CCDC7: variants seen among roughly 807,000 people sequenced by gnomAD.
CCDC7 encodes the protein coiled-coil domain-containing protein 7.
In CCDC7, 183 loss-of-function variants were observed where a neutral mutation model predicts 196.9. The ratio of observed to expected loss-of-function variants is 0.93; its 90% CI spans 0.82 to 1.05. The LOEUF is 1.05. CCDC7 is among the 50% of genes least tolerant of loss of function. The pLI, the probability that CCDC7 is intolerant of heterozygous loss-of-function variation, is 0.00. For synonymous variants in CCDC7, 525 were observed against 484.6 expected (o/e 1.08, Z -1.10); for missense variants, 1,540 against 1,482.2 (o/e 1.04, Z -0.64).
intron 9 of CCDC7, among the ~76,000 whole-genome samples, chr10:32,516,488 A>G (rs940225536): frequency 3.9e-5 from 6 of 152,078 alleles, no homozygotes; most frequent in Non-Finnish European, 7.4e-5. Context: ...GGGTTTCACC[A>G]TGTTGGCCAG....
chr10:32,880,771 A>G (rs1253007652), downstream of CCDC7, among the ~76,000 whole-genome samples: 1 of 152,186 alleles, frequency 6.6e-6, no homozygotes, highest in East Asian at 1.9e-4. Flanking sequence ...CAGTTATCAC[A>G]GCACCATTTA....
At chr10:32,531,426 G>A (rs73251594) in intron 11 of CCDC7, among the ~76,000 whole-genome samples, 8,066 of 152,192 alleles carry the variant, frequency 0.053, 709 homozygotes, top group African/African-American at 0.18. Flanking sequence ...ACCTAGCCAT[G>A]AATGATCTTT....
At chr10:32,673,486 T>G (rs1258031045) in intron 21 of CCDC7, among the ~76,000 whole-genome samples, 1 of 152,118 alleles carries the variant, frequency 6.6e-6, no homozygotes, top group Admixed American at 6.6e-5. Flanking sequence ...GCCTTTCGAA[T>G]AAGTGTATTG....
At chr10:32,851,973 A>G (rs778182567) in intron 40 of CCDC7, 41 bp downstream of exon 41, 301 of 1,539,056 alleles carry the variant, frequency 2.0e-4, no homozygotes, top group Non-Finnish European at 2.5e-4. Context: ...GATTTTTAAA[A>G]TAAAGCTATA....
intron 24 of CCDC7, among the ~76,000 whole-genome samples, chr10:32,704,015 C>T (rs1323638780): frequency 7.9e-5 from 12 of 152,134 alleles, no homozygotes; most frequent in South Asian, 2.1e-4. Flanking sequence ...TCTCTCAACT[C>T]GTCAAAGTCA....
At chr10:32,869,586 A>G (rs528435335) in intron 41 of CCDC7, among the ~76,000 whole-genome samples, 43 of 152,082 alleles carry the variant, frequency 2.8e-4, no homozygotes, top group Admixed American at 5.2e-4. Context: ...CTATTTGTCA[A>G]TTTTGGCTTT....
At chr10:32,846,395 A>T in exon 37 of CCDC7, 1 of 1,588,130 alleles carries the variant, frequency 6.3e-7, no homozygotes, top group Non-Finnish European at 8.6e-7. Flanking sequence ...AAGAACTCTT[A>T]AAAGATGCTA....
chr10:32,451,410 T>C (rs2033034709), upstream of CCDC7, among the ~76,000 whole-genome samples: 1 of 152,248 alleles, frequency 6.6e-6, no homozygotes, highest in African/African-American at 2.4e-5. Flanking sequence ...AACTGCATTC[T>C]ATATTTCTTC....
chr10:32,490,611 A>G (rs1168214341), intron 8 of CCDC7, among the ~76,000 whole-genome samples: 1 of 152,142 alleles, frequency 6.6e-6, no homozygotes, highest in Admixed American at 6.5e-5. Flanking sequence ...CCTGGCTAAC[A>G]CAGTGAAACC....
chr10:32,810,667 C>T lies in CCDC7; in HGVS notation c.3098-3703C>T, dbSNP rs375473563. 5.3e-5 allele frequency among the ~76,000 whole-genome samples: 8 copies of T among 152,112 alleles called. No individual in the cohort carries two copies. The East Asian group carries it at 1.5e-3, about 29-fold the overall frequency. On this transcript the variant is annotated intron_variant, in intron 30 of 41. Transcript: ENST00000639629. ...TAAACATCAGTTTAAACCAAATGGC[C>T]CTAACAGATAATTACAAAGTATTTT...
intron 30 of CCDC7, among the ~76,000 whole-genome samples, chr10:32,814,011 G>A (rs2087777031): frequency 6.6e-6 from 1 of 151,898 alleles, no homozygotes; most frequent in Non-Finnish European, 1.5e-5. Flanking sequence ...GGGCTGGAGT[G>A]CAGTGGCATG....
chr10:32,623,082 A>G (rs2139201081), intron 18 of CCDC7, among the ~76,000 whole-genome samples: 1 of 152,232 alleles, frequency 6.6e-6, no homozygotes. Flanking sequence ...CGTCCCCTAC[A>G]TATCAGGAAT....
chr10:32,868,161 CA>C (rs2094276881), intron 41 of CCDC7, among the ~76,000 whole-genome samples: 1 of 151,912 alleles, frequency 6.6e-6, no homozygotes, highest in African/African-American at 2.4e-5. Context: ...CTTAATTATT[CA>C]TCCATCAGCT....
intron 33 of CCDC7, among the ~76,000 whole-genome samples, chr10:32,836,060 A>G (rs2092578238): frequency 6.6e-6 from 1 of 152,132 alleles, no homozygotes; most frequent in South Asian, 2.1e-4. Context: ...GTTGTGTTCC[A>G]CAATTCAGTG....
At chr10:32,801,314 A>T (rs558602351) in intron 29 of CCDC7, among the ~76,000 whole-genome samples, 84 of 152,310 alleles carry the variant, frequency 5.5e-4, no homozygotes, top group Admixed American at 1.2e-3. Flanking sequence ...TCTCTACATT[A>T]AACCAAGAGA....
At chr10:32,849,573 C>T (rs1161549223) in intron 39 of CCDC7, among the ~76,000 whole-genome samples, 1 of 151,292 alleles carries the variant, frequency 6.6e-6, no homozygotes. Flanking sequence ...CATGGTGGCA[C>T]GTGCCTGTAG....
intron 28 of CCDC7, among the ~76,000 whole-genome samples, chr10:32,735,139 A>G (rs1368720538): frequency 6.6e-6 from 1 of 152,166 alleles, no homozygotes; most frequent in Non-Finnish European, 1.5e-5. Context: ...TTCTTCATTA[A>G]TTAGGTGCAA....
chr10:32,795,527 G>T (rs115030440), intron 29 of CCDC7, among the ~76,000 whole-genome samples: 2 of 151,950 alleles, frequency 1.3e-5, no homozygotes, highest in Non-Finnish European at 2.9e-5. Flanking sequence ...TGAATTTTTG[G>T]TCGGAAAACT....
chr10:32,777,347 T>G (rs2134223835), intron 28 of CCDC7, among the ~76,000 whole-genome samples: 1 of 152,240 alleles, frequency 6.6e-6, no homozygotes, highest in East Asian at 1.9e-4. Context: ...AACGTATGGA[T>G]GCATGTGTCC....
Sources: allele counts gnomAD v4.1 joint callset (sites outside exome capture counted in the v4.1 genomes callset), GRCh38; gene constraint gnomAD v4.1.1; transcripts MANE v1.5; gene names NCBI Gene and HGNC (gene_info 2026-07-23, HGNC 2026-07-21).